TENM1: variants seen among roughly 807,000 people sequenced by gnomAD.
TENM1 encodes teneurin-1.
Under a neutral mutation model 174.8 loss-of-function variants are expected in TENM1, and 35 were observed. The observed-to-expected ratio is 0.20, with a 90% confidence interval of 0.15 to 0.27. TENM1 has a LOEUF of 0.27. Ranked by LOEUF, TENM1 falls within the 10% of genes least tolerant of loss-of-function variation. TENM1 has a pLI of 1.00. For synonymous variants in TENM1, 781 were observed against 798.7 expected (o/e 0.98, Z 0.37); for missense variants, 1,633 against 2,130.1 (o/e 0.77, Z 4.59).
chrX:125,081,504 A>C, the TENM1 span, among the ~76,000 whole-genome samples: 2 of 110,860 alleles, frequency 1.8e-5, no homozygotes, highest in South Asian at 7.5e-4. Flanking sequence ...ACAGTTACTA[A>C]GATAAAAAAG....
chrX:125,077,091 T>C, the TENM1 span, among the ~76,000 whole-genome samples: 1 of 111,416 alleles, frequency 9.0e-6, no homozygotes. Flanking sequence ...ATGAAGACGT[T>C]TCTCATTAAC....
chrX:124,416,794 A>G (rs1308280336), intron 25 of TENM1, among the ~76,000 whole-genome samples: 1 of 112,115 alleles, frequency 8.9e-6, no homozygotes, highest in African/African-American at 3.2e-5. Flanking sequence ...CCGATGTGAT[A>G]GTACTAACAG....
At chrX:124,989,180 A>G in the TENM1 span, among the ~76,000 whole-genome samples, 10 of 111,951 alleles carry the variant, frequency 8.9e-5, no homozygotes, top group Non-Finnish European at 1.7e-4. Flanking sequence ...AGAATTAGCT[A>G]CTAGAACTAA....
Position 124,612,172 on chromosome X carries a change from G to C in TENM1, c.2077+29619C>G, listed in dbSNP as rs553766619. 9.9e-5 allele frequency among the ~76,000 whole-genome samples: 11 copies of C among 111,459 alleles called. No individual in the cohort carries two copies. The South Asian group carries it at 4.2e-3, about 42-fold the overall frequency. On this transcript the variant is annotated intron_variant, in intron 11 of 31. Coordinates refer to ENST00000422452, the Ensembl canonical transcript of TENM1. ...TTTCAGGGATGCTTGTTTAGGCATA[G>C]AATAAATATGGTTAGAACAATGATT...
chrX:124,585,054 C>T (rs1439710208), intron 11 of TENM1, among the ~76,000 whole-genome samples: 1 of 110,005 alleles, frequency 9.1e-6, no homozygotes, highest in Non-Finnish European at 1.9e-5. Flanking sequence ...GAGTGACCTA[C>T]AAAGAGACTT....
intron 16 of TENM1, among the ~76,000 whole-genome samples, chrX:124,525,788 C>T (rs775648065): frequency 5.4e-5 from 6 of 111,334 alleles, no homozygotes; most frequent in African/African-American, 9.8e-5. Flanking sequence ...GCAGTTTTCT[C>T]GTTAGTAAAA....
the TENM1 span, among the ~76,000 whole-genome samples, chrX:125,152,010 C>T: frequency 1.1e-4 from 12 of 111,681 alleles, no homozygotes; most frequent in Non-Finnish European, 1.9e-4. Context: ...AATCCCAGTA[C>T]TCTGGGAGGC....
chrX:124,387,215 C>T (rs1431503893), intron 28 of TENM1, among the ~76,000 whole-genome samples: 1 of 109,762 alleles, frequency 9.1e-6, no homozygotes, highest in African/African-American at 3.3e-5. Context: ...GGTTATGCAG[C>T]CCCTCTCCCC....
chrX:124,940,059 C>T (rs182766383), intron 1 of TENM1, among the ~76,000 whole-genome samples: 14 of 111,969 alleles, frequency 1.3e-4, no homozygotes, highest in African/African-American at 3.6e-4. Context: ...TGTCAGAACA[C>T]AAAAAATTCT....
intron 15 of TENM1, among the ~76,000 whole-genome samples, chrX:124,534,146 C>T (rs1262799734): frequency 8.9e-6 from 1 of 111,967 alleles, no homozygotes; most frequent in African/African-American, 3.2e-5. Context: ...AATTGCTTCT[C>T]CACTTTAACT....
intron 11 of TENM1, among the ~76,000 whole-genome samples, chrX:124,602,825 T>C (rs1375816606): frequency 9.0e-6 from 1 of 111,163 alleles, no homozygotes. Flanking sequence ...TCTTACCAAG[T>C]GTATTGGGTT....
the TENM1 span, among the ~76,000 whole-genome samples, chrX:125,175,732 T>C: frequency 9.1e-6 from 1 of 109,599 alleles, no homozygotes; most frequent in African/African-American, 3.3e-5. Context: ...CAGGAAAAGA[T>C]GTGTAGAGAA....
At chrX:124,889,437 T>C (rs2057440484) in intron 3 of TENM1, among the ~76,000 whole-genome samples, 1 of 111,340 alleles carries the variant, frequency 9.0e-6, no homozygotes, top group South Asian at 3.8e-4. Context: ...ACCTGTCCTG[T>C]AGATGGAAAC....
At chrX:124,387,814 G>C (rs2147602037) in intron 28 of TENM1, among the ~76,000 whole-genome samples, 1 of 112,061 alleles carries the variant, frequency 8.9e-6, no homozygotes, top group African/African-American at 3.2e-5. Flanking sequence ...CAGAAATCCT[G>C]TCAATTCGTC....
At chrX:124,888,738 AAAC>A (rs1232232815) in intron 3 of TENM1, among the ~76,000 whole-genome samples, 41 of 112,013 alleles carry the variant, frequency 3.7e-4, no homozygotes, top group African/African-American at 1.3e-3. Context: ...TAATAGTGAT[AAAC>A]AACAACCACA....
rs1022217418 is a variant in TENM1 at position 124,574,368 on chromosome X, G to T, written c.2078-8808C>A. Among the ~76,000 whole-genome samples the T allele has an allele frequency of 2.7e-5, 3 of 111,117 alleles. No homozygotes were observed. The East Asian group carries it at 8.4e-4, about 31-fold the overall frequency. On this transcript the variant is annotated intron_variant, in intron 11 of 31. Coordinates refer to ENST00000422452, the Ensembl canonical transcript of TENM1. ...CCCTCTGCCTTCTCCAATATTAGAT[G>T]GTGATCATATTTGGCACCCCAAAAG...
intron 4 of TENM1, among the ~76,000 whole-genome samples, chrX:124,713,245 C>G (rs777672540): frequency 9.0e-6 from 1 of 110,948 alleles, no homozygotes; most frequent in Non-Finnish European, 1.9e-5. Flanking sequence ...TAGTCTAGAT[C>G]GTTACTATCG....
chrX:124,954,645 CAG>C (rs2058543609), intron 1 of TENM1, among the ~76,000 whole-genome samples: 1 of 111,324 alleles, frequency 9.0e-6, no homozygotes, highest in Non-Finnish European at 1.9e-5. Flanking sequence ...AATGTAGGGG[CAG>C]AGTTTACTGC....
chrX:124,838,266 G>C (rs1481435496), intron 3 of TENM1, among the ~76,000 whole-genome samples: 1 of 112,439 alleles, frequency 8.9e-6, no homozygotes, highest in African/African-American at 3.2e-5. Context: ...TTGGGCTTGA[G>C]TTTTAACAAG....
Sources: allele counts gnomAD v4.1 joint callset (sites outside exome capture counted in the v4.1 genomes callset), GRCh38; gene constraint gnomAD v4.1.1; transcripts MANE v1.5; gene names NCBI Gene and HGNC (gene_info 2026-07-23, HGNC 2026-07-21).